LMX1B: variants seen among roughly 807,000 people sequenced by gnomAD.
LMX1B encodes LIM homeobox transcription factor 1-beta.
A neutral mutation model predicts 51.4 loss-of-function variants in LMX1B; 12 were observed. That is an observed-to-expected ratio of 0.23 (90% CI 0.15 to 0.38). The LOEUF is 0.38. Among genes scored for constraint, LMX1B ranks in the 10% least tolerant of loss-of-function variants. LMX1B has a pLI of 1.00. For missense variants in LMX1B, 445 were observed against 571.1 expected (o/e 0.78, Z 2.25); for synonymous variants, 237 against 235.4 (o/e 1.01, Z -0.06).
chr9:126,696,264 C>T (rs2030328467), intron 7 of LMX1B, 30 bp from the exon 8 acceptor site: 1 of 1,612,422 alleles, frequency 6.2e-7, no homozygotes, highest in Non-Finnish European at 8.5e-7. Context: ...CAGCCTGTAC[C>T]CCGGTCCTGA....
intron 2 of LMX1B, among the ~76,000 whole-genome samples, chr9:126,631,132 C>G (rs1405132872): frequency 6.6e-6 from 1 of 152,262 alleles, no homozygotes; most frequent in African/African-American, 2.4e-5. Context: ...CGACAGACCC[C>G]TGGAGGAGGA....
intron 2 of LMX1B, among the ~76,000 whole-genome samples, chr9:126,679,395 G>T (rs575465281): frequency 6.6e-6 from 1 of 152,184 alleles, no homozygotes; most frequent in East Asian, 1.9e-4. Flanking sequence ...TGAGAGGGTG[G>T]ATGGAGGGGG....
rs959692433 is a variant in LMX1B, at chr9:126,695,736, G to T, written c.887-103G>T. 2.3e-6 allele frequency: 3 copies of T among 1,324,084 alleles called. No homozygotes were observed. The highest frequency in any genetic ancestry group is 1.8e-5 in the Admixed American group (1 of 55,442). 82.0% of individuals were successfully genotyped at this position (1,324,084 alleles called of 1,614,324 possible). A position where few individuals can be genotyped will look rare whatever the true frequency, so the allele number is the denominator to read the frequency against. On this transcript the variant is annotated intron_variant, in intron 6 of 7. Coordinates refer to ENST00000373474, the MANE Select transcript of LMX1B (RefSeq NM_001174147.2). The surrounding 1 kb of genome is among the most constrained non-coding windows in gnomAD (Gnocchi z 5.2). Reference sequence around the variant, plus strand: ...GTGTCTGGACAGCTTCAGCCAGAGTGGGGTGCCTGGGGAGTCCCAAGGAGA... The same window carrying T: ...GTGTCTGGACAGCTTCAGCCAGAGTTGGGTGCCTGGGGAGTCCCAAGGAGA...
At chr9:126,676,041 T>C (rs1588296424) in intron 2 of LMX1B, among the ~76,000 whole-genome samples, 1 of 127,500 alleles carries the variant, frequency 7.8e-6, no homozygotes, top group Admixed American at 8.4e-5. Context: ...AGAGCGAGAC[T>C]CCGTCTCAAA....
chr9:126,646,075 C>T (rs1405666811), intron 2 of LMX1B, among the ~76,000 whole-genome samples: 20 of 152,170 alleles, frequency 1.3e-4, no homozygotes, highest in Admixed American at 1.2e-3. Flanking sequence ...GCTCACTTCT[C>T]CTCATTTAAG....
At chr9:126,619,501 C>T (rs908783360) in intron 2 of LMX1B, among the ~76,000 whole-genome samples, 1 of 152,226 alleles carries the variant, frequency 6.6e-6, no homozygotes, top group African/African-American at 2.4e-5. Flanking sequence ...CTGCAGAGCG[C>T]CTGTCCTGGA....
Position 126,696,391 on chromosome 9 carries a change from C to T in LMX1B, c.1149C>T (p.Ala383=), listed in dbSNP as rs1468175779. ...LGSSDVGSLQ[A]RVGNPIDRLY... is the part of the protein sequence containing the mutation. ...CCTCAGACGTGGGCTCCCTGCAGGC[C>T]CGCGTGGGGAACCCCATCGACCGGC... is the stretch of plus-strand genomic sequence containing the variant. The change falls in exon 8 of 8, where the codon GCC becomes GCT. Residue 383 remains alanine, a synonymous_variant. Coordinates refer to ENST00000373474, the MANE Select transcript of LMX1B (RefSeq NM_001174147.2). 1 of 1,614,144 alleles carries T rather than the reference C, an allele frequency of 6.2e-7. No homozygotes were observed. The highest frequency in any genetic ancestry group is 1.1e-5 in the South Asian group (1 of 91,084).
rs1362808051 is a variant in LMX1B, at chr9:126,615,165, C to G, written c.140-218C>G. ...GAGAGCACAGCGCCGAGCCAAGGCT[C>G]GAGGCCCGCGGCCTCTCCACGCCGG... On this transcript the variant is annotated intron_variant, in intron 1 of 7. Transcript: ENST00000373474. This position sits in a 1 kb window ranked among gnomAD's most constrained non-coding sequence, Gnocchi z 6.0. Among the ~76,000 whole-genome samples, 3 of 151,926 alleles carry G rather than the reference C, an allele frequency of 2.0e-5. No homozygotes were observed. The East Asian group carries it at 5.8e-4, about 30-fold the overall frequency.
chr9:126,675,560 A>T (rs953135571), intron 2 of LMX1B, among the ~76,000 whole-genome samples: 1 of 150,660 alleles, frequency 6.6e-6, no homozygotes, highest in Admixed American at 6.6e-5. Context: ...CCCCGTCTCT[A>T]TTAAAAGTAC....
chr9:126,622,834 G>T (rs972277454), intron 2 of LMX1B, among the ~76,000 whole-genome samples: 1 of 152,192 alleles, frequency 6.6e-6, no homozygotes, highest in Non-Finnish European at 1.5e-5. Flanking sequence ...ACAGAATGGG[G>T]ATCCAGAATG....
At chr9:126,668,482 C>G (rs1836387627) in intron 2 of LMX1B, among the ~76,000 whole-genome samples, 1 of 111,710 alleles carries the variant, frequency 9.0e-6, no homozygotes, top group Non-Finnish European at 1.9e-5. Context: ...GAGATGGAGT[C>G]TCGCTCTGTC....
In LMX1B at chr9:126,614,380, C is replaced by A; in HGVS notation, c.-70C>A. 5 of 1,187,966 alleles carry A rather than the reference C, an allele frequency of 4.2e-6. No homozygotes were observed. Among genetic ancestry groups the A allele is most frequent in the Non-Finnish European group, 5.3e-6 (5 of 951,046 alleles). The allele number at this position is 1,187,966 out of a possible 1,614,324, so 73.6% of individuals were successfully genotyped here. ...CTCCCCGGTTCCAGGGCCGCGGCGGCGGAGAGCGGGTGGACGGGCCGGCGG... is the reference window on the plus strand; with the variant it reads ...CTCCCCGGTTCCAGGGCCGCGGCGGAGGAGAGCGGGTGGACGGGCCGGCGG... On this transcript the variant is annotated 5_prime_UTR_variant, in exon 1 of 8. Coordinates refer to ENST00000373474, the MANE Select transcript of LMX1B (RefSeq NM_001174147.2).
intron 2 of LMX1B, among the ~76,000 whole-genome samples, chr9:126,638,729 G>T (rs1037725703): frequency 6.6e-6 from 1 of 152,190 alleles, no homozygotes; most frequent in Non-Finnish European, 1.5e-5. Flanking sequence ...TCTTCGGAGC[G>T]CGCTCCGATC....
chr9:126,687,314 C>T (rs1306174277), intron 2 of LMX1B, among the ~76,000 whole-genome samples: 2 of 152,022 alleles, frequency 1.3e-5, no homozygotes, highest in Admixed American at 6.6e-5. Flanking sequence ...CCACAATCTC[C>T]ACCTCCCAGG....
rs753634649 is a variant in LMX1B, at chr9:126,698,982, C to T, written c.*2531C>T. ...TCTGCCGCCTCAGCCCACCAGGGTC[C>T]GTGCCACCATGGGTCTCTTGAGCAG... On this transcript the variant is annotated 3_prime_UTR_variant, in exon 8 of 8. Coordinates refer to ENST00000373474, the MANE Select transcript of LMX1B (RefSeq NM_001174147.2). 3.9e-5 allele frequency: 6 copies of T among 152,374 alleles called. No homozygotes were observed. Among genetic ancestry groups the T allele is most frequent in the Non-Finnish European group, 5.9e-5 (4 of 68,188 alleles). 9.4% of individuals were successfully genotyped at this position (152,374 alleles called of 1,614,324 possible). A position where few individuals can be genotyped will look rare whatever the true frequency, so the allele number is the denominator to read the frequency against.
At chr9:126,689,765 G>C (rs2030051123) in intron 2 of LMX1B, among the ~76,000 whole-genome samples, 1 of 152,206 alleles carries the variant, frequency 6.6e-6, no homozygotes, top group Non-Finnish European at 1.5e-5. Flanking sequence ...GTGGAAGCTG[G>C]ATTAGGCCCA....
At position 126,671,490 on chromosome 9, in the gene LMX1B, C is replaced by A. The variant is rs1836450221; in HGVS notation, c.327-19346C>A. ...TGCAGAGTGGCTGGGTAAATAGTCG[C>A]CGCAGTAATCGCAGGCTGATTCCAA... On this transcript the variant is annotated intron_variant, in intron 2 of 7. Transcript: ENST00000373474. This position sits in a 1 kb window ranked among gnomAD's most constrained non-coding sequence, Gnocchi z 4.4. 6.6e-6 allele frequency among the ~76,000 whole-genome samples: 1 copy of A among 152,086 alleles called. No homozygotes were observed. Among genetic ancestry groups the A allele is most frequent in the Non-Finnish European group, 1.5e-5 (1 of 68,014 alleles).
At chr9:126,620,284 C>T (rs184665336) in intron 2 of LMX1B, among the ~76,000 whole-genome samples, 3 of 152,280 alleles carry the variant, frequency 2.0e-5, no homozygotes, top group South Asian at 2.1e-4. Flanking sequence ...GCTTTAGACT[C>T]GGAGTCAGAC....
intron 4 of LMX1B, 79 bp downstream of exon 4, chr9:126,693,402 G>C (rs2030210884): frequency 6.5e-7 from 1 of 1,549,764 alleles, no homozygotes; most frequent in African/African-American, 1.4e-5. Flanking sequence ...CCCTGCTCCT[G>C]CTGGGGGTAG....
Sources: gnomAD v4.1 joint callset for allele counts (sites outside exome capture counted in the v4.1 genomes callset) on GRCh38, gnomAD v4.1.1 for gene constraint, Gnocchi (gnomAD v3.1) non-coding constraint, MANE v1.5 for transcripts, NCBI Gene and HGNC (gene_info 2026-07-23, HGNC 2026-07-21) for gene names.